The following TMPO variants were observed in gnomAD, a reference collection of about 807,000 sequenced individuals.
The protein encoded by TMPO is LEM domain containing 4.
TMPO carries 22 observed loss-of-function variants against 45.4 expected under a neutral mutation model. The ratio of observed to expected loss-of-function variants is 0.48; its 90% CI spans 0.35 to 0.69. The LOEUF (loss-of-function observed/expected upper bound fraction) is 0.69, where lower values mean the gene tolerates loss of function less well. Among genes scored for constraint, TMPO ranks in the 30% least tolerant of loss-of-function variants. The pLI, the probability that TMPO is intolerant of heterozygous loss-of-function variation, is 0.01. For synonymous variants in TMPO, 241 were observed against 204.1 expected (o/e 1.18, Z -1.54); for missense variants, 512 against 548.8 (o/e 0.93, Z 0.67).
At chr12:98,518,119 TG>T (rs1565802956) in intron 1 of TMPO, among the ~76,000 whole-genome samples, 1 of 138,444 alleles carries the variant, frequency 7.2e-6, no homozygotes, top group South Asian at 2.2e-4. Flanking sequence ...CACTCCAGCC[TG>T]GGGGACAAGA....
Position 98,516,030 on chromosome 12 carries a change from G to T in TMPO, c.163G>T (p.Ala55Ser). The change falls in exon 1 of 9, where the codon GCC becomes TCC. Residue 55 changes from alanine (A) to serine (S), a missense_variant. Ala to Ser is a moderately conservative substitution (Grantham distance 99). Transcript: ENST00000556029. ...LTARNRPPLP[A>S]GTNSKGPPDF... ...GGCTCGCAACCGGCCGCCGCTCCCC[G>T]CCGGCACCAACAGCAAGGGGCCCCC... The T allele has an allele frequency of 3.1e-6, 5 of 1,611,458 alleles. No homozygotes were observed. Among genetic ancestry groups the T allele is most frequent in the Non-Finnish European group, 4.2e-6 (5 of 1,179,528 alleles).
intron 1 of TMPO, among the ~76,000 whole-genome samples, chr12:98,523,541 CA>C (rs747050595): frequency 0.011 from 1,402 of 133,276 alleles, 35 homozygotes; most frequent in African/African-American, 0.033. Context: ...GACTCCATCT[CA>C]AAAAAAAAAA....
intron 3 of TMPO, chr12:98,535,751 T>C (rs1013116005): frequency 2.7e-6 from 2 of 736,616 alleles, no homozygotes; most frequent in African/African-American, 1.9e-5. Flanking sequence ...CACTTTGACA[T>C]TTCAGTGGTA....
At chr12:98,540,796 A>G (rs1208752667) in intron 4 of TMPO, among the ~76,000 whole-genome samples, 1 of 152,236 alleles carries the variant, frequency 6.6e-6, no homozygotes, top group Non-Finnish European at 1.5e-5. Flanking sequence ...AGTTTCTTTC[A>G]CAAGAATACT....
intron 1 of TMPO, among the ~76,000 whole-genome samples, chr12:98,521,522 TTTTTA>T (rs1163389674): frequency 6.6e-6 from 1 of 152,150 alleles, no homozygotes; most frequent in East Asian, 1.9e-4. Context: ...AAAAGTTTTG[TTTTTA>T]TTTTGTTTTC....
chr12:98,533,115 G>C, intron 3 of TMPO: 1 of 1,614,162 alleles, frequency 6.2e-7, no homozygotes, highest in Non-Finnish European at 8.5e-7. Flanking sequence ...GCCATGATAG[G>C]TGTTTAGAGA....
In TMPO at chr12:98,515,617, A is replaced by C; in HGVS notation, c.-251A>C. The stretch of plus-strand genomic sequence containing the variant: ...AGCAGGCTGCTCGCCTCCTGCCTGT[A>C]GTGTGTGGGCTGGGGTTGGTGCGAG... On this transcript the variant is annotated 5_prime_UTR_variant, in exon 1 of 9. Coordinates refer to ENST00000556029, the MANE Select transcript of TMPO (RefSeq NM_001032283.3). 1.6e-6 allele frequency: 1 copy of C among 635,034 alleles called. No individual in the cohort carries two copies. The highest frequency in any genetic ancestry group is 1.8e-5 in the African/African-American group (1 of 54,168). The allele number at this position is 635,034 out of a possible 1,614,324, so 39.3% of individuals were successfully genotyped here.
intron 2 of TMPO, 106 bp from the exon 3 acceptor site, chr12:98,531,574 G>A: frequency 1.6e-6 from 2 of 1,238,514 alleles, no homozygotes; most frequent in South Asian, 2.7e-5. Flanking sequence ...CTTGAGTTTA[G>A]AAAAATAAAG....
chr12:98,534,712 A>T (rs17028453), intron 3 of TMPO: 31,905 of 1,040,448 alleles, frequency 0.031, 562 homozygotes, highest in Admixed American at 0.039. Context: ...TATACCTAGG[A>T]CAGAATTAAA....
rs886049910 is a variant in TMPO, at chr12:98,527,989, G to A, written c.383G>A (p.Gly128Glu). The change falls in exon 2 of 9, where the codon GGA becomes GAA. Residue 128 changes from glycine (G) to glutamate (E), a missense_variant. Around this residue, in one of 3 missense-constraint regions of TMPO, gnomAD observed 299 missense variants for 296.7 expected, o/e 1.01. Transcript: ENST00000556029. ...CTTTTGGATCAGCTTGTGAAATACG[G>A]AGTGAATCCTGGTCCTATTGTGGGT... is the stretch of plus-strand genomic sequence containing the variant. Reference protein sequence around the residue: ...EDLLDQLVKYGVNPGPIVGTT... With the variant: ...EDLLDQLVKYEVNPGPIVGTT... 6.2e-7 allele frequency: 1 copy of A among 1,613,950 alleles called. No individual in the cohort carries two copies. The highest frequency in any genetic ancestry group is 8.5e-7 in the Non-Finnish European group (1 of 1,179,936).
chr12:98,538,803 G>A (rs1877727485), intron 4 of TMPO, among the ~76,000 whole-genome samples: 1 of 152,192 alleles, frequency 6.6e-6, no homozygotes, highest in Non-Finnish European at 1.5e-5. Context: ...ACAGAGCATT[G>A]AATGAATGAA....
chr12:98,544,726 A>G (rs1013979475), intron 6 of TMPO, 189 bp downstream of exon 6: 1 of 648,166 alleles, frequency 1.5e-6, no homozygotes, highest in East Asian at 2.7e-5. Flanking sequence ...TATGTAAAGA[A>G]ATCTAATTCA....
At position 98,515,672 on chromosome 12, in the gene TMPO, T is replaced by C. The variant is rs1006169578; in HGVS notation, c.-196T>C. The stretch of plus-strand genomic sequence containing the variant: ...CAGCTTGGCCGCAGTTGGTTCGTAG[T>C]TCGGCTCTGGGGTCTTTTGTGTCCG... On this transcript the variant is annotated 5_prime_UTR_variant, in exon 1 of 9. Transcript: ENST00000556029. 5 of 1,201,424 alleles carry C rather than the reference T, an allele frequency of 4.2e-6. No individual in the cohort carries two copies. In the African/African-American group the frequency reaches 7.7e-5, roughly 18 times the overall value. 74.4% of individuals were successfully genotyped at this position (1,201,424 alleles called of 1,614,324 possible). A position where few individuals can be genotyped will look rare whatever the true frequency, so the allele number is the denominator to read the frequency against.
intron 2 of TMPO, among the ~76,000 whole-genome samples, chr12:98,529,265 G>A (rs1423700465): frequency 6.6e-6 from 1 of 151,910 alleles, no homozygotes; most frequent in Non-Finnish European, 1.5e-5. Flanking sequence ...TGTTGGCCAG[G>A]CTGGTCTGAA....
At chr12:98,545,786 G>T (rs903476711) in intron 7 of TMPO, among the ~76,000 whole-genome samples, 2 of 151,892 alleles carry the variant, frequency 1.3e-5, no homozygotes, top group Non-Finnish European at 2.9e-5. Flanking sequence ...AGGCTGGAGT[G>T]CAGTGGCACG....
intron 3 of TMPO, chr12:98,534,321 A>G (rs777295002): frequency 6.2e-7 from 1 of 1,612,670 alleles, no homozygotes; most frequent in Non-Finnish European, 8.5e-7. Context: ...AAGTAATTAA[A>G]AAGCGTGGAA....
Position 98,533,271 on chromosome 12 carries a change from A to G in TMPO, c.565+1433A>G, listed in dbSNP as rs761975789. The G allele has an allele frequency of 5.0e-6, 8 of 1,613,876 alleles. No individual in the cohort carries two copies. In the South Asian group the frequency reaches 5.5e-5, roughly 11 times the overall value. On this transcript the variant is annotated intron_variant, in intron 3 of 8. Coordinates refer to ENST00000556029, the MANE Select transcript of TMPO (RefSeq NM_001032283.3). ...GCGGTAGAGAGAAAAGTGGAATTCA[A>G]CCATTATGTCCTGAGAGGTCCCATA...
intron 3 of TMPO, 74 bp downstream of exon 3, chr12:98,531,912 TA>T: frequency 7.7e-7 from 1 of 1,296,726 alleles, no homozygotes; most frequent in East Asian, 2.4e-5. Flanking sequence ...ATGAAGAAAG[TA>T]AAATTTAAAA....
At position 98,547,971 on chromosome 12, in the gene TMPO, T is replaced by A; in HGVS notation, c.*113T>A. ...TAAAAATAATGTGATTTCGCCTCAA[T>A]AAATGTAGTATTTCATTGAAAAGCA... is the stretch of plus-strand genomic sequence containing the variant. On this transcript the variant is annotated 3_prime_UTR_variant, in exon 9 of 9. Transcript: ENST00000556029. 1 of 1,236,344 alleles carries A rather than the reference T, an allele frequency of 8.1e-7. No homozygotes were observed. Among genetic ancestry groups the A allele is most frequent in the South Asian group, 1.3e-5 (1 of 74,580 alleles). The allele number at this position is 1,236,344 out of a possible 1,614,324, so 76.6% of individuals were successfully genotyped here. A position where few individuals can be genotyped will look rare whatever the true frequency, so the allele number is the denominator to read the frequency against.
Sources: gnomAD v4.1 joint callset for allele counts (sites outside exome capture counted in the v4.1 genomes callset) on GRCh38, gnomAD v4.1.1 for gene constraint, gnomAD v4.1.1 regional missense constraint, MANE v1.5 for transcripts, NCBI Gene and HGNC (gene_info 2026-07-23, HGNC 2026-07-21) for gene names.